ROBO1: variants seen among roughly 807,000 people sequenced by gnomAD.
The protein encoded by ROBO1 is roundabout guidance receptor 1.
A neutral mutation model predicts 195.9 loss-of-function variants in ROBO1; 149 were observed. That is an observed-to-expected ratio of 0.76 (90% CI 0.67 to 0.87). The LOEUF is 0.87. Ranked by LOEUF, ROBO1 falls within the 40% of genes least tolerant of loss-of-function variation. The pLI is 0.00. For missense variants in ROBO1, 1,933 were observed against 2,068.3 expected, an observed-to-expected ratio of 0.93 and a Z score of 1.27; for synonymous variants, 816 against 733.2, an observed-to-expected ratio of 1.11 and a Z score of -1.82.
intron 1 of ROBO1, among the ~76,000 whole-genome samples, chr3:79,618,239 T>C (rs1187274604): frequency 6.6e-6 from 1 of 152,108 alleles, no homozygotes; most frequent in Non-Finnish European, 1.5e-5. Flanking sequence ...TTGGTCTAGA[T>C]AAGGATTTAA....
intron 3 of ROBO1, among the ~76,000 whole-genome samples, chr3:79,001,359 C>A (rs556515530): frequency 6.6e-6 from 1 of 152,114 alleles, no homozygotes; most frequent in Non-Finnish European, 1.5e-5. Context: ...ATGGAAATAA[C>A]TGCCCCCATG....
At chr3:79,292,531 A>T (rs975887660) in intron 2 of ROBO1, among the ~76,000 whole-genome samples, 1 of 152,142 alleles carries the variant, frequency 6.6e-6, no homozygotes, top group Admixed American at 6.5e-5. Context: ...AATAGCTCTT[A>T]TTATTTAGAG....
chr3:79,037,718 T>C (rs1289704994), intron 3 of ROBO1, among the ~76,000 whole-genome samples: 2 of 152,186 alleles, frequency 1.3e-5, no homozygotes, highest in African/African-American at 4.8e-5. Flanking sequence ...CTTGATTCTA[T>C]TCTAAAAAAG....
intron 2 of ROBO1, among the ~76,000 whole-genome samples, chr3:79,241,139 A>G (rs1310029986): frequency 6.6e-6 from 1 of 152,164 alleles, no homozygotes; most frequent in Non-Finnish European, 1.5e-5. Context: ...CATTGTTTCC[A>G]AATATAAAAT....
chr3:79,713,965 T>C (rs1234284608), intron 1 of ROBO1, among the ~76,000 whole-genome samples: 2 of 151,734 alleles, frequency 1.3e-5, no homozygotes, highest in African/African-American at 2.4e-5. Context: ...CTCTGTTTTG[T>C]TACCAGTACC....
At chr3:79,313,437 G>T (rs1352347809) in intron 2 of ROBO1, among the ~76,000 whole-genome samples, 2 of 151,966 alleles carry the variant, frequency 1.3e-5, no homozygotes, top group Non-Finnish European at 2.9e-5. Flanking sequence ...CTACAGAAAG[G>T]GTTTTACTGT....
At chr3:78,819,629 A>G (rs1048815520) in intron 4 of ROBO1, among the ~76,000 whole-genome samples, 3 of 152,112 alleles carry the variant, frequency 2.0e-5, no homozygotes, top group Non-Finnish European at 4.4e-5. Context: ...CTCTGGACTC[A>G]GAACTCTCTC....
intron 10 of ROBO1, among the ~76,000 whole-genome samples, chr3:78,681,099 C>A (rs1036259090): frequency 1.3e-5 from 2 of 151,584 alleles, no homozygotes; most frequent in African/African-American, 4.9e-5. Flanking sequence ...AACCAAACAC[C>A]GCATGTTCTC....
chr3:79,669,728 A>C (rs1946578274), intron 1 of ROBO1, among the ~76,000 whole-genome samples: 2 of 151,848 alleles, frequency 1.3e-5, no homozygotes, highest in African/African-American at 4.8e-5. Flanking sequence ...TCACTATCAT[A>C]CCTAGGGAGA....
At chr3:79,056,952 T>C (rs2078821096) in intron 3 of ROBO1, among the ~76,000 whole-genome samples, 1 of 152,092 alleles carries the variant, frequency 6.6e-6, no homozygotes, top group South Asian at 2.1e-4. Context: ...TGATCCGAAT[T>C]TAATTGTAGT....
intron 2 of ROBO1, among the ~76,000 whole-genome samples, chr3:79,129,664 G>A (rs2080288423): frequency 6.6e-6 from 1 of 152,068 alleles, no homozygotes; most frequent in Non-Finnish European, 1.5e-5. Flanking sequence ...ACAACATGAT[G>A]TTTTGAAATA....
At chr3:79,323,266 G>C (rs1413276693) in intron 2 of ROBO1, among the ~76,000 whole-genome samples, 2 of 151,982 alleles carry the variant, frequency 1.3e-5, no homozygotes, top group East Asian at 1.9e-4. Context: ...ATTTTTAGTA[G>C]AGACGGGGTT....
At chr3:78,747,315 C>T (rs1439817130) in intron 4 of ROBO1, among the ~76,000 whole-genome samples, 1 of 151,686 alleles carries the variant, frequency 6.6e-6, no homozygotes, top group Non-Finnish European at 1.5e-5. Flanking sequence ...CATATACATG[C>T]AAAGCTAAAT....
At chr3:79,472,298 G>A (rs934898044) in intron 2 of ROBO1, among the ~76,000 whole-genome samples, 15 of 152,064 alleles carry the variant, frequency 9.9e-5, no homozygotes, top group African/African-American at 3.6e-4. Flanking sequence ...TAGAAATTCA[G>A]AGGGGGCCAA....
At chr3:79,407,233 C>T (rs950835131) in intron 2 of ROBO1, among the ~76,000 whole-genome samples, 2 of 152,150 alleles carry the variant, frequency 1.3e-5, no homozygotes, top group Non-Finnish European at 2.9e-5. Flanking sequence ...CAGCCATCAA[C>T]ACATATCTTA....
intron 4 of ROBO1, among the ~76,000 whole-genome samples, chr3:78,863,943 C>A (rs1170220103): frequency 6.6e-6 from 1 of 152,120 alleles, no homozygotes; most frequent in Non-Finnish European, 1.5e-5. Context: ...TTATGTTCTG[C>A]AATTAAAATT....
intron 2 of ROBO1, among the ~76,000 whole-genome samples, chr3:79,145,087 A>G (rs2108622694): frequency 6.6e-6 from 1 of 152,086 alleles, no homozygotes; most frequent in African/African-American, 2.4e-5. Flanking sequence ...TTGACTATAA[A>G]TGGTCAAGTT....
intron 3 of ROBO1, among the ~76,000 whole-genome samples, chr3:78,952,815 A>G (rs2040858341): frequency 6.6e-6 from 1 of 152,004 alleles, no homozygotes; most frequent in South Asian, 2.1e-4. Flanking sequence ...CAGCTACTTT[A>G]TTTTATTCTA....
chr3:79,161,095 T>C (rs1206520925), intron 2 of ROBO1, among the ~76,000 whole-genome samples: 1 of 151,964 alleles, frequency 6.6e-6, no homozygotes, highest in Non-Finnish European at 1.5e-5. Context: ...GAAACTATAA[T>C]AAAGGAAAGC....
Sources: gnomAD v4.1 joint callset for allele counts (sites outside exome capture counted in the v4.1 genomes callset) on GRCh38, gnomAD v4.1.1 for gene constraint, MANE v1.5 for transcripts, NCBI Gene and HGNC (gene_info 2026-07-23, HGNC 2026-07-21) for gene names.